ABR: variants seen among roughly 807,000 people sequenced by gnomAD.
ABR encodes the protein active breakpoint cluster region-related protein.
A neutral mutation model predicts 107.2 loss-of-function variants in ABR; 35 were observed. The observed-to-expected ratio is 0.33, with a 90% confidence interval of 0.25 to 0.43. The LOEUF is 0.43. Ranked by LOEUF, ABR falls within the 20% of genes least tolerant of loss-of-function variation. The pLI is 1.00. For missense variants in ABR, 815 were observed against 1,115.2 expected (o/e 0.73, Z 3.83); for synonymous variants, 498 against 462.0 (o/e 1.08, Z -1.00).
chr17:1,055,398 G>C (rs889528768), intron 14 of ABR: 4 of 152,282 alleles, frequency 2.6e-5, no homozygotes, highest in Non-Finnish European at 5.9e-5. Flanking sequence ...CTGCCTTTTA[G>C]TGGAGGCCCA....
chr17:1,138,196 G>A (rs57143284), intron 1 of ABR, among the ~76,000 whole-genome samples: 48,308 of 151,650 alleles, frequency 0.32, 7,839 homozygotes, highest in South Asian at 0.34. Context: ...GACCCACCAC[G>A]TCCAGCTCTC....
Position 1,004,829 on chromosome 17 carries a change from G to T in ABR, c.*1251C>A. 2.6e-6 allele frequency: 1 copy of T among 391,544 alleles called. No individual in the cohort carries two copies. The highest frequency in any genetic ancestry group is 3.6e-5 in the East Asian group (1 of 27,708). The allele number at this position is 391,544 out of a possible 1,614,324, so 24.3% of individuals were successfully genotyped here. A position where few individuals can be genotyped will look rare whatever the true frequency, so the allele number is the denominator to read the frequency against. On this transcript the variant is annotated 3_prime_UTR_variant, in exon 23 of 23. Transcript: ENST00000302538. The stretch of plus-strand genomic sequence containing the variant: ...CCAGAAGCTGGGGCGGCACCACAAT[G>T]GCTGGCCACCGTGGGCCTGTGCCTT...
intron 10 of ABR, among the ~76,000 whole-genome samples, chr17:1,060,352 G>A (rs1027543153): frequency 6.6e-6 from 1 of 152,112 alleles, no homozygotes; most frequent in African/African-American, 2.4e-5. Context: ...GGAAGTTCCA[G>A]TGAGCCCAAA....
chr17:1,057,464 G>A (rs1016358593), intron 12 of ABR, among the ~76,000 whole-genome samples: 3 of 151,162 alleles, frequency 2.0e-5, no homozygotes, highest in African/African-American at 4.9e-5. Flanking sequence ...TGCAACCTCC[G>A]CCTCTCAGGT....
rs557404617 is a variant in ABR at position 1,007,305 on chromosome 17, C to T, written c.2350G>A (p.Glu784Lys). The T allele has an allele frequency of 2.4e-5, 39 of 1,614,046 alleles. No homozygotes were observed. In the African/African-American group the frequency reaches 2.8e-4, roughly 12 times the overall value. The stretch of plus-strand genomic sequence containing the variant: ...GACATTTTGTTGATGGGCTCCTTCT[C>T]GGCAACCCTAAGAAGGAGAAGATGG... ...FLLEHLKRVA[E>K]KEPINKMSLH... Residue 784 changes from glutamate to lysine, a missense_variant, in exon 22 of 23, where the codon GAG (glutamate) becomes AAG (lysine). Glu to Lys is a moderately conservative substitution (Grantham distance 56). This residue lies in a region of ABR where 175 missense variants were observed against 284.3 expected (regional missense o/e 0.62). Coordinates refer to ENST00000302538, the MANE Select transcript of ABR (RefSeq NM_021962.5).
chr17:1,063,979 A>C (rs1269189591), intron 10 of ABR, among the ~76,000 whole-genome samples: 8 of 147,010 alleles, frequency 5.4e-5, no homozygotes, highest in African/African-American at 1.5e-4. Context: ...ATGTTCCTCT[A>C]GACACTGTTA....
intron 3 of ABR, among the ~76,000 whole-genome samples, chr17:1,098,403 C>G (rs924458171): frequency 6.6e-6 from 1 of 152,190 alleles, no homozygotes; most frequent in Admixed American, 6.5e-5. Flanking sequence ...AAACCCACAA[C>G]AGGTGTAAGA....
chr17:1,083,579 C>A lies in ABR; in HGVS notation c.580G>T (p.Ala194Ser). ...YKAFVDNYKVALETAEKCSQS... is the reference protein window; with the variant it reads ...YKAFVDNYKVSLETAEKCSQS... ...CTGCACTTCTCAGCTGTCTCCAGAG[C>A]GACTTTATAGTTATCGACAAACGCT... The change falls in exon 5 of 23, where the codon GCT becomes TCT. Residue 194 changes from alanine (A) to serine (S), a missense_variant. This residue lies in a region of ABR where 385 missense variants were observed against 596.9 expected (regional missense o/e 0.64). Transcript: ENST00000302538. 6.2e-7 allele frequency: 1 copy of A among 1,613,500 alleles called. No homozygotes were observed. Among genetic ancestry groups the A allele is most frequent in the African/African-American group, 1.3e-5 (1 of 74,966 alleles).
chr17:1,183,006 G>C (rs2042182916), upstream of ABR, among the ~76,000 whole-genome samples: 1 of 152,172 alleles, frequency 6.6e-6, no homozygotes, highest in Non-Finnish European at 1.5e-5. Flanking sequence ...CCCTGGCACT[G>C]AGGAGTTGGG....
At chr17:1,216,324 C>A (rs1041528503) in intron 1 of ABR, among the ~76,000 whole-genome samples, 1 of 152,168 alleles carries the variant, frequency 6.6e-6, no homozygotes, top group African/African-American at 2.4e-5. Flanking sequence ...GAGCGGGGCC[C>A]ACAGGGGCTG....
intron 2 of ABR, among the ~76,000 whole-genome samples, chr17:1,123,994 C>A (rs1301739143): frequency 6.6e-6 from 1 of 152,240 alleles, no homozygotes; most frequent in Non-Finnish European, 1.5e-5. Flanking sequence ...CCCGCCAGCC[C>A]TTCCCACAGG....
intron 1 of ABR, among the ~76,000 whole-genome samples, chr17:1,207,381 G>C (rs935519323): frequency 6.6e-6 from 1 of 152,250 alleles, no homozygotes; most frequent in Admixed American, 6.5e-5. Context: ...CGTGTGCAGT[G>C]GCTCACACCT....
chr17:1,038,124 C>T (rs1011401563), intron 16 of ABR, among the ~76,000 whole-genome samples: 4 of 152,082 alleles, frequency 2.6e-5, no homozygotes, highest in Non-Finnish European at 4.4e-5. Flanking sequence ...CACCACCCCT[C>T]GCCTGCCTTG....
At position 1,069,435 on chromosome 17, in the gene ABR, G is replaced by A. The variant is rs370388292; in HGVS notation, c.1016+534C>T. The stretch of plus-strand genomic sequence containing the variant: ...TCCCAGCACTTTGGGAGGCCGAGGC[G>A]GGCAGATCACCTGAGGTTGGGAGTT... On this transcript the variant is annotated intron_variant, in intron 9 of 22. Coordinates refer to ENST00000302538, the MANE Select transcript of ABR (RefSeq NM_021962.5). Among the ~76,000 whole-genome samples, 11 of 152,222 alleles carry A rather than the reference G, an allele frequency of 7.2e-5. No homozygotes were observed. The East Asian group carries it at 1.4e-3, about 19-fold the overall frequency.
At chr17:1,035,378 C>T (rs1309673927) in intron 16 of ABR, among the ~76,000 whole-genome samples, 1 of 131,356 alleles carries the variant, frequency 7.6e-6, no homozygotes, top group African/African-American at 2.9e-5. Context: ...CCTGCTCCCC[C>T]ACCCCTTCCA....
Position 1,179,886 on chromosome 17 carries a change from G to A in ABR, c.-159C>T, listed in dbSNP as rs988285151. 3.0e-6 allele frequency: 2 copies of A among 662,624 alleles called. No individual in the cohort carries two copies. The highest frequency in any genetic ancestry group is 4.5e-6 in the Non-Finnish European group (2 of 443,928). The allele number at this position is 662,624 out of a possible 1,614,324, so 41.0% of individuals were successfully genotyped here. On this transcript the variant is annotated 5_prime_UTR_variant, in exon 1 of 23. Transcript: ENST00000302538. The surrounding 1 kb of genome is among the most constrained non-coding windows in gnomAD (Gnocchi z 4.9). ...GAGGAGCGCGGGGCGGCCGGGGCAG[G>A]GGCGAGGGCGGGGCGGGAGCCCCCA...
upstream of ABR, among the ~76,000 whole-genome samples, chr17:1,191,594 G>A (rs192183479): frequency 4.2e-3 from 635 of 152,094 alleles, 4 homozygotes; most frequent in Non-Finnish European, 6.4e-3. Context: ...GACCTCAGGT[G>A]ATCCACCTGC....
chr17:1,217,991 G>A (rs1402514566), intron 1 of ABR, among the ~76,000 whole-genome samples: 11 of 151,134 alleles, frequency 7.3e-5, no homozygotes, highest in South Asian at 2.1e-4. Flanking sequence ...TACCACGCCC[G>A]ACTAATTTTT....
At chr17:1,140,193 G>A (rs560839471) in intron 1 of ABR, among the ~76,000 whole-genome samples, 1 of 152,346 alleles carries the variant, frequency 6.6e-6, no homozygotes, top group Non-Finnish European at 1.5e-5. Context: ...AAAGTCTGGC[G>A]ATGGGAGAGT....
Sources: gnomAD v4.1 joint callset for allele counts (sites outside exome capture counted in the v4.1 genomes callset) on GRCh38, gnomAD v4.1.1 for gene constraint, gnomAD v4.1.1 regional missense constraint, Gnocchi (gnomAD v3.1) non-coding constraint, MANE v1.5 for transcripts, NCBI Gene and HGNC (gene_info 2026-07-23, HGNC 2026-07-21) for gene names.